Variants in VAV3 observed in about 807,000 individuals in gnomAD.
The protein encoded by VAV3 is vav guanine nucleotide exchange factor 3, also known as guanine nucleotide exchange factor VAV3.
In VAV3, 94 loss-of-function variants were observed where a neutral mutation model predicts 131.2. The ratio of observed to expected loss-of-function variants is 0.72; its 90% CI spans 0.61 to 0.85. The LOEUF (loss-of-function observed/expected upper bound fraction) is 0.85, where lower values mean the gene tolerates loss of function less well. Ranked by LOEUF, VAV3 falls within the 40% of genes least tolerant of loss-of-function variation. The pLI, the probability that VAV3 is intolerant of heterozygous loss-of-function variation, is 0.00. For missense variants in VAV3, 939 were observed against 1,002.7 expected, an observed-to-expected ratio of 0.94 and a Z score of 0.86; for synonymous variants, 349 against 342.0, an observed-to-expected ratio of 1.02 and a Z score of -0.22.
At chr1:107,806,353 C>T (rs566018764) in intron 2 of VAV3, among the ~76,000 whole-genome samples, 2 of 152,132 alleles carry the variant, frequency 1.3e-5, no homozygotes, top group South Asian at 4.1e-4. Context: ...CTACCATCTG[C>T]TTGGAGTGTC....
chr1:107,705,947 T>C (rs1024114346), intron 15 of VAV3, among the ~76,000 whole-genome samples: 10 of 152,176 alleles, frequency 6.6e-5, no homozygotes, highest in African/African-American at 2.2e-4. Flanking sequence ...ATTAAAATAA[T>C]CAAATTTTTG....
intron 25 of VAV3, among the ~76,000 whole-genome samples, chr1:107,592,056 C>CGTGTGTGTGTGTGT (rs35290300): frequency 6.7e-6 from 1 of 148,700 alleles, no homozygotes; most frequent in Non-Finnish European, 1.5e-5. Context: ...TATATACATA[C>CGTGTGTGTGTGTGT]GTGTGTGTGT....
intron 17 of VAV3, among the ~76,000 whole-genome samples, chr1:107,689,291 T>C (rs1031988649): frequency 6.6e-6 from 1 of 152,000 alleles, no homozygotes; most frequent in Non-Finnish European, 1.5e-5. Context: ...TAAAGAAGCA[T>C]CTGAAAAGAT....
chr1:107,674,155 C>T (rs779650899), intron 19 of VAV3, among the ~76,000 whole-genome samples: 1 of 152,156 alleles, frequency 6.6e-6, no homozygotes, highest in Non-Finnish European at 1.5e-5. Flanking sequence ...CTTAAAATAG[C>T]TTTTAAAAAA....
intron 2 of VAV3, among the ~76,000 whole-genome samples, chr1:107,795,785 T>C (rs1366958041): frequency 6.6e-6 from 1 of 152,246 alleles, no homozygotes; most frequent in Non-Finnish European, 1.5e-5. Context: ...AAAGAATATA[T>C]GAATCCTTTT....
chr1:107,754,051 T>C (rs1663946600), intron 12 of VAV3, among the ~76,000 whole-genome samples: 1 of 152,198 alleles, frequency 6.6e-6, no homozygotes, highest in African/African-American at 2.4e-5. Context: ...AAGGCAGAAC[T>C]GTAGAAACGT....
rs141249756 is a variant in VAV3 at position 107,859,504 on chromosome 1, T to C, written c.321+15397A>G. Among the ~76,000 whole-genome samples, 548 of 152,330 alleles carry C rather than the reference T, an allele frequency of 3.6e-3. 1 individual carries two copies. Among genetic ancestry groups the C allele is most frequent in the Middle Eastern group, 0.017 (5 of 294 alleles). ...GACTGATTTAGTGCTTAGCTGATAA[T>C]AGTCCTAAAATACTTGTAAACTGTT... On this transcript the variant is annotated intron_variant, in intron 2 of 26. Transcript: ENST00000370056.
At chr1:107,844,184 G>T (rs1668854178) in intron 2 of VAV3, among the ~76,000 whole-genome samples, 1 of 151,888 alleles carries the variant, frequency 6.6e-6, no homozygotes, top group Non-Finnish European at 1.5e-5. Flanking sequence ...CAGAAGCAGG[G>T]TGGGGCATTC....
chr1:107,857,346 C>T (rs1205011953), intron 2 of VAV3, among the ~76,000 whole-genome samples: 1 of 152,150 alleles, frequency 6.6e-6, no homozygotes, highest in Non-Finnish European at 1.5e-5. Context: ...TTCCTTGCTC[C>T]TCAGCTTGCA....
chr1:107,602,392 C>T lies in VAV3; in HGVS notation c.2220+5G>A. The T allele has an allele frequency of 6.5e-7, 1 of 1,533,140 alleles. No homozygotes were observed. The highest frequency in any genetic ancestry group is 8.8e-7 in the Non-Finnish European group (1 of 1,135,216). The allele number at this position is 1,533,140 out of a possible 1,614,324, so 95.0% of individuals were successfully genotyped here. On this transcript the variant is annotated splice_donor_5th_base_variant and intron_variant, in intron 24 of 26. Transcript: ENST00000370056. Reference sequence around the variant, plus strand: ...CCAGATTGAAAAGAAATAATCAATGCTTACCATTAAACTTTTAAATTTTCT... The same window carrying T: ...CCAGATTGAAAAGAAATAATCAATGTTTACCATTAAACTTTTAAATTTTCT...
At chr1:107,705,633 TTA>T (rs1172368405) in intron 15 of VAV3, among the ~76,000 whole-genome samples, 14 of 152,310 alleles carry the variant, frequency 9.2e-5, no homozygotes, top group Middle Eastern at 6.8e-3. Flanking sequence ...ACCATTTATT[TTA>T]TATTTTATTT....
chr1:107,780,359 A>G (rs1407709595), intron 2 of VAV3, among the ~76,000 whole-genome samples: 1 of 152,172 alleles, frequency 6.6e-6, no homozygotes, highest in African/African-American at 2.4e-5. Context: ...TGTTTCAAAG[A>G]TTCCTTATAA....
intron 21 of VAV3, among the ~76,000 whole-genome samples, chr1:107,614,726 T>G (rs1430573314): frequency 6.6e-6 from 1 of 152,170 alleles, no homozygotes; most frequent in East Asian, 1.9e-4. Context: ...GGGACTTGCA[T>G]TTGCTTTTTC....
At chr1:107,851,149 GAGAA>G (rs1324836986) in intron 2 of VAV3, among the ~76,000 whole-genome samples, 1 of 142,414 alleles carries the variant, frequency 7.0e-6, no homozygotes, top group Non-Finnish European at 1.5e-5. Context: ...TCCAGCTTGG[GAGAA>G]AGAGTGAGAC....
intron 18 of VAV3, among the ~76,000 whole-genome samples, chr1:107,684,049 C>A (rs1303557877): frequency 6.6e-6 from 1 of 152,098 alleles, no homozygotes; most frequent in Non-Finnish European, 1.5e-5. Flanking sequence ...TAATTATAGA[C>A]CAGTTGTATC....
At chr1:107,777,912 G>C (rs1570939589) in intron 3 of VAV3, 1 of 152,288 alleles carries the variant, frequency 6.6e-6, no homozygotes, top group Non-Finnish European at 1.5e-5. Context: ...GGGGTGAATA[G>C]AGTGTTTTCT....
At chr1:107,709,087 C>T (rs576186616) in intron 15 of VAV3, among the ~76,000 whole-genome samples, 15 of 152,198 alleles carry the variant, frequency 9.9e-5, no homozygotes, top group African/African-American at 3.1e-4. Context: ...AATTCAGATA[C>T]GTCAGCCTCC....
intron 15 of VAV3, among the ~76,000 whole-genome samples, chr1:107,740,170 A>C (rs542755990): frequency 2.0e-4 from 30 of 152,110 alleles, no homozygotes; most frequent in Non-Finnish European, 3.2e-4. Context: ...GCCTATAATC[A>C]CAGCTACTCA....
chr1:107,709,720 GGTTTTAT>G (rs1660662685), intron 15 of VAV3, among the ~76,000 whole-genome samples: 1 of 152,136 alleles, frequency 6.6e-6, no homozygotes, highest in South Asian at 2.1e-4. Context: ...GGGATCTGAT[GGTTTTAT>G]AAGGGGCTGC....
Sources: gnomAD v4.1 joint callset for allele counts (sites outside exome capture counted in the v4.1 genomes callset) on GRCh38, gnomAD v4.1.1 for gene constraint, MANE v1.5 for transcripts, NCBI Gene and HGNC (gene_info 2026-07-23, HGNC 2026-07-21) for gene names.